The following WIPF2 variants were observed in gnomAD, a reference collection of about 807,000 sequenced individuals.
WIPF2 encodes the protein WAS/WASL interacting protein family member 2, also known as WAS/WASL-interacting protein family member 2.
WIPF2 carries 23 observed loss-of-function variants against 38.8 expected under a neutral mutation model. That is an observed-to-expected ratio of 0.59 (90% CI 0.43 to 0.84). The LOEUF (loss-of-function observed/expected upper bound fraction) is 0.84. WIPF2 is among the 40% of genes least tolerant of loss of function. The probability of loss-of-function intolerance (pLI) is 0.00; values close to 1 mark genes in which losing one functional copy is unlikely to be tolerated. For missense variants in WIPF2, 574 were observed against 580.5 expected (o/e 0.99, Z 0.11); for synonymous variants, 210 against 223.2 (o/e 0.94, Z 0.53).
intron 6 of WIPF2, among the ~76,000 whole-genome samples, chr17:40,274,557 G>GAAAAAAAAAAA (rs571085371): frequency 4.0e-5 from 1 of 24,782 alleles, no homozygotes; most frequent in African/African-American, 1.5e-4. Flanking sequence ...TGGAATTCTT[G>GAAAAAAAAAAA]AAAAAAAAAA....
chr17:40,254,722 C>A (rs571380754), intron 1 of WIPF2, among the ~76,000 whole-genome samples: 3 of 151,904 alleles, frequency 2.0e-5, no homozygotes, highest in African/African-American at 7.2e-5. Context: ...GGCCCATAAA[C>A]TAAGAATGAT....
At chr17:40,246,396 A>ATT (rs746176753) in intron 1 of WIPF2, among the ~76,000 whole-genome samples, 93 of 90,696 alleles carry the variant, frequency 1.0e-3, no homozygotes, top group East Asian at 9.0e-3. Flanking sequence ...TGTGCTGCTC[A>ATT]TTTTTTTTTT....
chr17:40,251,338 A>C (rs200589726), intron 1 of WIPF2, among the ~76,000 whole-genome samples: 1 of 140,264 alleles, frequency 7.1e-6, no homozygotes, highest in Admixed American at 7.1e-5. Flanking sequence ...GTTTTGGTTC[A>C]TTTTTTTTTT....
At chr17:40,220,603 A>ATATG (rs891865812) in intron 1 of WIPF2, 3 of 114,538 alleles carry the variant, frequency 2.6e-5, no homozygotes, top group Non-Finnish European at 5.2e-5. Context: ...ATATATATAT[A>ATATG]TATATATATA....
Position 40,222,540 on chromosome 17 carries a change from A to G in WIPF2, c.-70+3048A>G, listed in dbSNP as rs148222702. 2.2e-3 allele frequency among the ~76,000 whole-genome samples: 320 copies of G among 143,062 alleles called. 1 individual carries two copies. The highest frequency in any genetic ancestry group is 8.0e-3 in the African/African-American group (302 of 37,640). The allele number at this position is 143,062 out of a possible 152,430, so 93.9% of individuals were successfully genotyped here. On this transcript the variant is annotated intron_variant, in intron 1 of 7. Transcript: ENST00000323571. ...AACAACAACAACAACAAAAGGAAAC[A>G]TGTTTTTCTGTTTCTTCCTCTTAGC...
At chr17:40,273,349 T>C (rs564007402) in intron 5 of WIPF2, among the ~76,000 whole-genome samples, 1 of 152,196 alleles carries the variant, frequency 6.6e-6, no homozygotes, top group Non-Finnish European at 1.5e-5. Context: ...TTTGAGACTT[T>C]ATGATTTAGG....
chr17:40,250,219 GTTTTTTTTTTTT>G (rs1170849046), intron 1 of WIPF2, among the ~76,000 whole-genome samples: 4 of 62,548 alleles, frequency 6.4e-5, no homozygotes, highest in Non-Finnish European at 9.2e-5. Flanking sequence ...ATTTTATCAT[GTTTTTTTTTTTT>G]TTTTTTTTTT....
intron 1 of WIPF2, among the ~76,000 whole-genome samples, chr17:40,224,851 TG>T (rs2030413706): frequency 6.6e-6 from 1 of 152,030 alleles, no homozygotes; most frequent in Non-Finnish European, 1.5e-5. Flanking sequence ...ACTAACATTT[TG>T]GCAACATGCA....
intron 1 of WIPF2, among the ~76,000 whole-genome samples, chr17:40,221,214 C>A (rs1273633289): frequency 6.6e-6 from 1 of 152,088 alleles, no homozygotes; most frequent in Non-Finnish European, 1.5e-5. Flanking sequence ...ATGTTTTTGG[C>A]TATTCTGTTC....
chr17:40,266,952 G>T (rs1401309706), intron 5 of WIPF2, among the ~76,000 whole-genome samples: 2 of 152,124 alleles, frequency 1.3e-5, no homozygotes, highest in African/African-American at 4.8e-5. Context: ...CATGTGGAAA[G>T]TTTATTCTAA....
chr17:40,226,484 G>A (rs561315739), intron 1 of WIPF2, among the ~76,000 whole-genome samples: 3 of 152,130 alleles, frequency 2.0e-5, no homozygotes, highest in South Asian at 2.1e-4. Context: ...CAAAGTGCTG[G>A]GATTACAGGC....
At chr17:40,224,647 A>G (rs562745176) in intron 1 of WIPF2, among the ~76,000 whole-genome samples, 12 of 151,386 alleles carry the variant, frequency 7.9e-5, no homozygotes, top group Non-Finnish European at 1.8e-4. Flanking sequence ...GGCAAATTAC[A>G]CATTTTTTCT....
intron 1 of WIPF2, among the ~76,000 whole-genome samples, chr17:40,237,234 A>G (rs1416214405): frequency 2.4e-5 from 3 of 125,744 alleles, no homozygotes; most frequent in Non-Finnish European, 5.2e-5. Flanking sequence ...TTCCTATTCA[A>G]TTTTTCCTTT....
At chr17:40,259,406 G>T (rs961283059) in intron 2 of WIPF2, among the ~76,000 whole-genome samples, 4 of 150,862 alleles carry the variant, frequency 2.7e-5, no homozygotes, top group African/African-American at 9.8e-5. Context: ...CTGTGCTCCA[G>T]CCTGGATGGT....
At chr17:40,233,166 T>C (rs921016629) in intron 1 of WIPF2, among the ~76,000 whole-genome samples, 5 of 152,194 alleles carry the variant, frequency 3.3e-5, no homozygotes, top group East Asian at 1.9e-4. Context: ...ATTAAGTCTT[T>C]AAAATTTTTT....
rs750207684 is a variant in WIPF2 at position 40,277,177 on chromosome 17, A to G, written c.1275A>G (p.Thr425=). The change falls in exon 7 of 8, where the codon ACA becomes ACG. Residue 425 remains threonine, a synonymous_variant. Coordinates refer to ENST00000323571, the MANE Select transcript of WIPF2 (RefSeq NM_133264.5). The part of the protein sequence containing the change: ...KHFQRIYPSK[T]NRAARGAPPL... ...TTCAGAGGATATATCCCAGCAAAAC[A>G]AACCGAGGTGAGAATAATAATAAGA... The G allele has an allele frequency of 1.2e-6, 2 of 1,607,618 alleles. No individual in the cohort carries two copies. The highest frequency in any genetic ancestry group is 2.7e-5 in the African/African-American group (2 of 74,720).
rs1292475661 is a variant in WIPF2, at chr17:40,264,538, C to T, written c.362C>T (p.Ala121Val). Residue 121 changes from alanine to valine, a missense_variant, in exon 5 of 8, where the codon GCT (alanine) becomes GTT (valine). Coordinates refer to ENST00000323571, the MANE Select transcript of WIPF2 (RefSeq NM_133264.5). ...PALQIPSSRAAAPRPPVSAAS... is the reference protein window; with the variant it reads ...PALQIPSSRAVAPRPPVSAAS... ...CTGCAAATCCCCAGTTCTCGAGCTG[C>T]TGCCCCAAGGCCTCCAGTATCTGCC... 1.2e-6 allele frequency: 2 copies of T among 1,614,102 alleles called. No homozygotes were observed. The highest frequency in any genetic ancestry group is 3.3e-5 in the Admixed American group (2 of 60,004).
At chr17:40,273,313 A>G (rs1478185287) in intron 5 of WIPF2, among the ~76,000 whole-genome samples, 1 of 152,080 alleles carries the variant, frequency 6.6e-6, no homozygotes, top group African/African-American at 2.4e-5. Context: ...AGGATTATAG[A>G]CGTGAGCCAT....
chr17:40,222,654 GTTTTTTTTTTTTTT>G (rs58758484), intron 1 of WIPF2, among the ~76,000 whole-genome samples: 827 of 52,870 alleles, frequency 0.016, 8 homozygotes, highest in South Asian at 0.029. Flanking sequence ...TGCATATTCA[GTTTTTTTTTTTTTT>G]TTTTTTTTTT....
Sources: gnomAD v4.1 joint callset for allele counts (sites outside exome capture counted in the v4.1 genomes callset) on GRCh38, gnomAD v4.1.1 for gene constraint, MANE v1.5 for transcripts, NCBI Gene and HGNC (gene_info 2026-07-23, HGNC 2026-07-21) for gene names.